The following CCDC169 variants were observed in gnomAD, a reference collection of about 807,000 sequenced individuals.
CCDC169 encodes the protein coiled-coil domain-containing protein 169.
Under a neutral mutation model 36.0 loss-of-function variants are expected in CCDC169, and 30 were observed. The observed-to-expected ratio is 0.83, with a 90% confidence interval of 0.62 to 1.13. The LOEUF is 1.13. CCDC169 is among the 50% of genes most tolerant of loss of function. The pLI is 0.00. For synonymous variants in CCDC169, 85 were observed against 81.5 expected (o/e 1.04, Z -0.23); for missense variants, 245 against 245.9 (o/e 1.00, Z 0.03).
At chr13:36,259,105 C>T (rs563124197) in intron 4 of CCDC169, among the ~76,000 whole-genome samples, 2 of 152,296 alleles carry the variant, frequency 1.3e-5, no homozygotes, top group African/African-American at 2.4e-5. Context: ...CAGGATCCTG[C>T]TCCCTCGGAT....
At chr13:36,282,226 A>C (rs1452327801) in intron 4 of CCDC169, among the ~76,000 whole-genome samples, 2 of 152,208 alleles carry the variant, frequency 1.3e-5, no homozygotes, top group African/African-American at 4.8e-5. Context: ...TATCCCACAA[A>C]AGCAACTAAT....
chr13:36,261,326 G>C (rs1233669394), intron 4 of CCDC169, among the ~76,000 whole-genome samples: 1 of 152,034 alleles, frequency 6.6e-6, no homozygotes, highest in Non-Finnish European at 1.5e-5. Context: ...GCCAATAAGA[G>C]ACGACAACAT....
Position 36,275,487 on chromosome 13 carries a change from A to T in CCDC169, c.315+7982T>A, listed in dbSNP as rs541221158. On this transcript the variant is annotated intron_variant, in intron 4 of 7. Transcript: ENST00000239859. Reference sequence around the variant, plus strand: ...TGACCATTCTGATCTTGGAGAGAACACAAACCCAGTGAGGGCTGTCCACAG... The same window carrying T: ...TGACCATTCTGATCTTGGAGAGAACTCAAACCCAGTGAGGGCTGTCCACAG... 2.6e-4 allele frequency among the ~76,000 whole-genome samples: 40 copies of T among 152,308 alleles called. 1 individual carries two copies. The highest frequency in any genetic ancestry group is 1.9e-3 in the Admixed American group (29 of 15,294).
At chr13:36,227,852 T>TATTG (rs1870020634), downstream of CCDC169, among the ~76,000 whole-genome samples, 1 of 152,184 alleles carries the variant, frequency 6.6e-6, no homozygotes, top group African/African-American at 2.4e-5. Context: ...CCTCAGCAAC[T>TATTG]ATTGATCTAT....
intron 6 of CCDC169, 48 bp downstream of exon 6, chr13:36,253,755 T>C: frequency 2.0e-6 from 3 of 1,521,378 alleles, no homozygotes; most frequent in South Asian, 1.3e-5. Context: ...AAAAACATAA[T>C]TTACAGTAAG....
intron 2 of CCDC169, among the ~76,000 whole-genome samples, chr13:36,285,300 C>T (rs920970366): frequency 2.0e-5 from 3 of 151,922 alleles, no homozygotes; most frequent in African/African-American, 7.3e-5. Flanking sequence ...TGTAATCCCA[C>T]CATTTTGGGA....
chr13:36,224,135 T>A (rs147754659), downstream of CCDC169: 3 of 152,076 alleles, frequency 2.0e-5, no homozygotes, highest in Admixed American at 1.3e-4. Context: ...AGTAAAAAAA[T>A]TGGATTATTT....
intron 7 of CCDC169, among the ~76,000 whole-genome samples, chr13:36,235,430 G>A (rs183326812): frequency 6.6e-6 from 1 of 151,780 alleles, no homozygotes; most frequent in East Asian, 1.9e-4. Flanking sequence ...TATTTGAAAT[G>A]ATTTATTTAA....
intron 4 of CCDC169, among the ~76,000 whole-genome samples, chr13:36,261,584 C>A (rs1274063945): frequency 6.6e-6 from 1 of 152,194 alleles, no homozygotes; most frequent in African/African-American, 2.4e-5. Context: ...ATCTTACTAT[C>A]CTTTTCAGGT....
chr13:36,223,233 A>G (rs1162069572), downstream of CCDC169: 4 of 152,204 alleles, frequency 2.6e-5, no homozygotes. Flanking sequence ...ATAAATGAGC[A>G]GGGAATTACA....
At chr13:36,222,110 G>A (rs1034057067) in exon 7 of CCDC169, 3 of 152,132 alleles carry the variant, frequency 2.0e-5, no homozygotes, top group Non-Finnish European at 4.4e-5. Flanking sequence ...GCTTCTTACT[G>A]TGAAGAAACA....
At chr13:36,247,555 G>T (rs912168868) in intron 7 of CCDC169, among the ~76,000 whole-genome samples, 1 of 152,186 alleles carries the variant, frequency 6.6e-6, no homozygotes, top group African/African-American at 2.4e-5. Context: ...AGATGACTAT[G>T]AGGGGTGCAA....
chr13:36,264,612 A>T (rs1023838894), intron 4 of CCDC169, among the ~76,000 whole-genome samples: 2 of 152,190 alleles, frequency 1.3e-5, no homozygotes, highest in African/African-American at 4.8e-5. Context: ...TGTTACTTTC[A>T]GGTGTGAATT....
At chr13:36,236,053 T>A (rs1451800177) in intron 7 of CCDC169, among the ~76,000 whole-genome samples, 1 of 152,016 alleles carries the variant, frequency 6.6e-6, no homozygotes, top group Non-Finnish European at 1.5e-5. Flanking sequence ...GAAGACTTAA[T>A]ATTGTTAAGA....
downstream of CCDC169, among the ~76,000 whole-genome samples, chr13:36,228,559 T>A (rs1027781036): frequency 2.6e-5 from 4 of 151,744 alleles, no homozygotes; most frequent in African/African-American, 9.7e-5. Flanking sequence ...AATAATTGGA[T>A]TTTTTTTTCT....
At chr13:36,226,492 G>C (rs1484995256), downstream of CCDC169, 1 of 152,194 alleles carries the variant, frequency 6.6e-6, no homozygotes, top group Non-Finnish European at 1.5e-5. Context: ...AGGTGGTAAT[G>C]CTTGCTCACC....
At chr13:36,241,667 A>G (rs552719150) in intron 7 of CCDC169, among the ~76,000 whole-genome samples, 22 of 152,332 alleles carry the variant, frequency 1.4e-4, no homozygotes, top group African/African-American at 5.1e-4. Context: ...TGAACTGTCA[A>G]GAATAAAGCT....
intron 7 of CCDC169, among the ~76,000 whole-genome samples, chr13:36,243,306 C>T (rs538872386): frequency 6.6e-6 from 1 of 152,164 alleles, no homozygotes; most frequent in South Asian, 2.1e-4. Flanking sequence ...TCGAGACCAG[C>T]CTGGCCAACA....
intron 6 of CCDC169, 34 bp from the exon 7 acceptor site, chr13:36,248,716 G>C: frequency 6.6e-7 from 1 of 1,521,948 alleles, no homozygotes; most frequent in Non-Finnish European, 8.9e-7. Flanking sequence ...TTATCCCCTT[G>C]GTTCATAATT....
Sources: gnomAD v4.1 joint callset for allele counts (sites outside exome capture counted in the v4.1 genomes callset) on GRCh38, gnomAD v4.1.1 for gene constraint, MANE v1.5 for transcripts, NCBI Gene and HGNC (gene_info 2026-07-23, HGNC 2026-07-21) for gene names.